The following JAZF1 variants were observed in gnomAD, a reference collection of about 807,000 sequenced individuals.
The protein encoded by JAZF1 is JAZF zinc finger 1.
Under a neutral mutation model 26.4 loss-of-function variants are expected in JAZF1, and 8 were observed. That is an observed-to-expected ratio of 0.30 (90% confidence interval 0.18 to 0.55). The LOEUF is 0.55. Ranked by LOEUF, JAZF1 falls within the 20% of genes least tolerant of loss-of-function variation. The pLI is 0.94. For synonymous variants in JAZF1, 126 were observed against 122.3 expected, an observed-to-expected ratio of 1.03 and a Z score of -0.20; for missense variants, 199 against 322.0, an observed-to-expected ratio of 0.62 and a Z score of 2.92.
chr7:27,943,452 C>A (rs942736840), intron 2 of JAZF1, among the ~76,000 whole-genome samples: 22 of 152,094 alleles, frequency 1.4e-4, no homozygotes, highest in Admixed American at 1.1e-3. Flanking sequence ...ACAGACTGAT[C>A]CGGGGAGATG....
At chr7:27,920,612 A>C (rs1273811747) in intron 2 of JAZF1, among the ~76,000 whole-genome samples, 1 of 152,200 alleles carries the variant, frequency 6.6e-6, no homozygotes, top group Non-Finnish European at 1.5e-5. Flanking sequence ...AGATGGGATA[A>C]AAGGGGAGCA....
chr7:28,041,496 A>C (rs1379740090), intron 1 of JAZF1, among the ~76,000 whole-genome samples: 1 of 152,168 alleles, frequency 6.6e-6, no homozygotes, highest in Non-Finnish European at 1.5e-5. Context: ...TTCCATGGCC[A>C]CATCTACTTC....
intron 3 of JAZF1, among the ~76,000 whole-genome samples, chr7:27,861,699 C>G (rs78925369): frequency 0.026 from 4,028 of 152,216 alleles, 167 homozygotes; most frequent in African/African-American, 0.092. Context: ...TCCTGGAAGC[C>G]ATTCCCAAAC....
intron 1 of JAZF1, among the ~76,000 whole-genome samples, chr7:28,151,404 T>G (rs1170292497): frequency 6.6e-6 from 1 of 151,006 alleles, no homozygotes; most frequent in African/African-American, 2.4e-5. Context: ...CATACCTGGC[T>G]TGGAGGGGGA....
At chr7:28,127,302 G>A (rs1782713566) in intron 1 of JAZF1, among the ~76,000 whole-genome samples, 3 of 152,204 alleles carry the variant, frequency 2.0e-5, no homozygotes, top group African/African-American at 7.2e-5. Context: ...AGAAACATGT[G>A]TAACCTTAGG....
intron 2 of JAZF1, among the ~76,000 whole-genome samples, chr7:27,930,894 C>G (rs1583468215): frequency 6.6e-6 from 1 of 151,892 alleles, no homozygotes; most frequent in East Asian, 1.9e-4. Context: ...CAGCCATCAG[C>G]AGGACAGTGG....
chr7:28,052,015 C>T (rs548964348), intron 1 of JAZF1, among the ~76,000 whole-genome samples: 1 of 152,236 alleles, frequency 6.6e-6, no homozygotes, highest in Admixed American at 6.5e-5. Context: ...GGGCAGGCCT[C>T]ATGTGATGTT....
chr7:27,855,514 A>G (rs1435091751), intron 3 of JAZF1, among the ~76,000 whole-genome samples: 5 of 152,186 alleles, frequency 3.3e-5, no homozygotes, highest in Admixed American at 2.6e-4. Context: ...GACACAATAA[A>G]AAATGATAAA....
intron 2 of JAZF1, among the ~76,000 whole-genome samples, chr7:27,909,552 A>G (rs1246611570): frequency 6.6e-6 from 1 of 151,986 alleles, no homozygotes; most frequent in Non-Finnish European, 1.5e-5. Flanking sequence ...TACTAAAAAT[A>G]CAAAATTAGC....
chr7:27,943,054 G>A (rs776665639), intron 2 of JAZF1, among the ~76,000 whole-genome samples: 16 of 152,266 alleles, frequency 1.1e-4, no homozygotes, highest in South Asian at 2.1e-4. Flanking sequence ...ACATCGATGC[G>A]TTCCTGCCTC....
At chr7:28,092,183 T>C (rs954183704) in intron 1 of JAZF1, among the ~76,000 whole-genome samples, 1 of 150,824 alleles carries the variant, frequency 6.6e-6, no homozygotes, top group South Asian at 2.1e-4. Flanking sequence ...GGGCACTCAA[T>C]GGGTAGGAGT....
chr7:27,987,525 G>A (rs901862735), intron 2 of JAZF1, among the ~76,000 whole-genome samples: 2 of 151,876 alleles, frequency 1.3e-5, no homozygotes, highest in African/African-American at 4.8e-5. Context: ...GGGAGGTCGG[G>A]GGCAGCCCCT....
intron 1 of JAZF1, among the ~76,000 whole-genome samples, chr7:28,180,119 C>T (rs987526386): frequency 6.9e-6 from 1 of 145,632 alleles, no homozygotes; most frequent in Admixed American, 6.8e-5. Context: ...CCCCGCGCCC[C>T]GCGCGCCGGC....
chr7:27,878,049 C>T (rs1783710435), intron 3 of JAZF1, among the ~76,000 whole-genome samples: 1 of 152,172 alleles, frequency 6.6e-6, no homozygotes, highest in Admixed American at 6.5e-5. Flanking sequence ...GATGCCGAGT[C>T]TGCAAGTGTT....
intron 2 of JAZF1, among the ~76,000 whole-genome samples, chr7:27,991,076 G>A (rs2128365183): frequency 6.6e-6 from 1 of 152,272 alleles, no homozygotes; most frequent in East Asian, 1.9e-4. Flanking sequence ...AAACAGTACA[G>A]GTAATTCATT....
chr7:28,159,790 C>T (rs1783251669), intron 1 of JAZF1, among the ~76,000 whole-genome samples: 1 of 152,020 alleles, frequency 6.6e-6, no homozygotes, highest in African/African-American at 2.4e-5. Flanking sequence ...GTACACATAG[C>T]CTATTATACT....
chr7:27,952,497 A>G (rs1228715762), intron 2 of JAZF1, among the ~76,000 whole-genome samples: 2 of 152,224 alleles, frequency 1.3e-5, no homozygotes, highest in Non-Finnish European at 2.9e-5. Flanking sequence ...TAATCCACCA[A>G]TTCTCTCTTA....
chr7:28,178,084 T>G (rs1447651451), intron 1 of JAZF1, among the ~76,000 whole-genome samples: 1 of 152,240 alleles, frequency 6.6e-6, no homozygotes, highest in African/African-American at 2.4e-5. Flanking sequence ...ACAGTTCACC[T>G]AGGTCACTGC....
intron 2 of JAZF1, among the ~76,000 whole-genome samples, chr7:27,984,399 G>A (rs1238937460): frequency 6.6e-6 from 1 of 152,188 alleles, no homozygotes; most frequent in African/African-American, 2.4e-5. Flanking sequence ...AACAAGAAGA[G>A]CTAACTATCC....
Sources: gnomAD v4.1 joint callset for allele counts (sites outside exome capture counted in the v4.1 genomes callset) on GRCh38, gnomAD v4.1.1 for gene constraint, MANE v1.5 for transcripts, NCBI Gene and HGNC (gene_info 2026-07-23, HGNC 2026-07-21) for gene names.